ATP1A1: variants seen among roughly 807,000 people sequenced by gnomAD.
ATP1A1 encodes ATPase Na+/K+ transporting subunit alpha 1, also known as sodium/potassium-transporting ATPase subunit alpha-1.
Under a neutral mutation model 114.8 loss-of-function variants are expected in ATP1A1, and 14 were observed. The ratio of observed to expected loss-of-function variants is 0.12; its 90% CI spans 0.08 to 0.19. The LOEUF is 0.19. ATP1A1 is among the 10% of genes least tolerant of loss of function. The probability of loss-of-function intolerance (pLI) is 1.00; values close to 1 mark genes in which losing one functional copy is unlikely to be tolerated. For missense variants in ATP1A1, 524 were observed against 1,290.7 expected (o/e 0.41, Z 9.10); for synonymous variants, 471 against 466.3 (o/e 1.01, Z -0.13).
chr1:116,390,536 G>GTT lies in ATP1A1; in HGVS notation c.1222+138_1222+139dup, dbSNP rs79640523. The GTT allele has an allele frequency of 5.6e-3, 3,875 of 686,578 alleles. 5 individuals carry two copies. Among genetic ancestry groups the GTT allele is most frequent in the African/African-American group, 0.02 (922 of 47,170 alleles). 42.5% of individuals were successfully genotyped at this position (686,578 alleles called of 1,614,324 possible). A position where few individuals can be genotyped will look rare whatever the true frequency, so the allele number is the denominator to read the frequency against. ...CATGGCAGCTTTTTCTTTCTTTTTT[G>GTT]TTTTTTTTTTTTTTATCATTTAGTG... On this transcript the variant is annotated intron_variant, in intron 9 of 22. Transcript: ENST00000295598.
Position 116,401,630 on chromosome 1 carries a change from G to A in ATP1A1, c.2926G>A (p.Val976Ile), listed in dbSNP as rs760128653. The A allele has an allele frequency of 9.9e-6, 16 of 1,614,098 alleles. No individual in the cohort carries two copies. Among genetic ancestry groups the A allele is most frequent in the Admixed American group, 1.7e-5 (1 of 60,012 alleles). ...CCTTTCCTACTGCCCTGGAATGGGT[G>A]TTGCTCTTAGGATGTATCCCCTCAA... ...AFLSYCPGMG[V>I]ALRMYPLKPT... Residue 976 changes from valine (V) to isoleucine (I), a missense_variant, in exon 21 of 23, where the codon GTT becomes ATT. Around this residue, in one of 8 missense-constraint regions of ATP1A1, gnomAD observed 84 missense variants for 209.3 expected, o/e 0.40. Transcript: ENST00000295598. This position sits in a 1 kb window ranked among gnomAD's most constrained non-coding sequence, Gnocchi z 4.7.
At position 116,398,688 on chromosome 1, in the gene ATP1A1, G is replaced by T. The variant is rs1293321023; in HGVS notation, c.2192G>T (p.Gly731Val). ...DSPALKKADI[G>V]VAMGIAGSDV... ...CCAGCTTTGAAGAAAGCAGACATTGGGGTTGCTATGGGGATTGCTGGCTCA... is the reference window on the plus strand; with the variant it reads ...CCAGCTTTGAAGAAAGCAGACATTGTGGTTGCTATGGGGATTGCTGGCTCA... The change falls in exon 16 of 23, where the codon GGG (glycine) becomes GTG (valine). Residue 731 changes from glycine (G) to valine (V), a missense_variant. Transcript: ENST00000295598. This position sits in a 1 kb window ranked among gnomAD's most constrained non-coding sequence, Gnocchi z 6.1. 6.2e-7 allele frequency: 1 copy of T among 1,613,980 alleles called. No homozygotes were observed. Among genetic ancestry groups the T allele is most frequent in the Non-Finnish European group, 8.5e-7 (1 of 1,180,028 alleles).
At position 116,373,249 on chromosome 1, in the gene ATP1A1, TGCGGCGGGGTCTGGGGCGCAGAGCA is replaced by T. The variant is rs913452301; in HGVS notation, c.-254_-230del. The stretch of plus-strand genomic sequence containing the variant: ...GTGAGGAGGAGGCGCGGGCTGGAGC[TGCGGCGGGGTCTGGGGCGCAGAGCA>T]GCGGCGGGAGGAGGCGGACACGTGG... On this transcript the variant is annotated 5_prime_UTR_variant, in exon 1 of 23. Transcript: ENST00000295598. 7.0e-5 allele frequency: 25 copies of T among 358,682 alleles called. No individual in the cohort carries two copies. The highest frequency in any genetic ancestry group is 5.2e-4 in the South Asian group (5 of 9,570). 22.2% of individuals were successfully genotyped at this position (358,682 alleles called of 1,614,324 possible).
In ATP1A1 at chr1:116,401,194, T is replaced by C; in HGVS notation, c.2783T>C (p.Val928Ala). The C allele has an allele frequency of 6.2e-7, 1 of 1,614,224 alleles. No individual in the cohort carries two copies. The highest frequency in any genetic ancestry group is 8.5e-7 in the Non-Finnish European group (1 of 1,180,042). ...ACAGCCTTCTTCGTCAGTATCGTGG[T>C]GGTGCAGTGGGCCGACTTGGTCATC... ...CHTAFFVSIV[V>A]VQWADLVICK... The change falls in exon 20 of 23, where the codon GTG becomes GCG. Residue 928 changes from valine to alanine, a missense_variant. Val to Ala is a moderately conservative substitution (Grantham distance 64, BLOSUM62 0). Transcript: ENST00000295598. The surrounding 1 kb of genome is among the most constrained non-coding windows in gnomAD (Gnocchi z 4.7).
rs561800107 is a variant in ATP1A1, at chr1:116,390,087, A to C, written c.1024-126A>C. The C allele has an allele frequency of 5.2e-5, 53 of 1,027,418 alleles. No individual in the cohort carries two copies. In the African/African-American group the frequency reaches 7.4e-4, roughly 14 times the overall value. The allele number at this position is 1,027,418 out of a possible 1,614,324, so 63.6% of individuals were successfully genotyped here. A position where few individuals can be genotyped will look rare whatever the true frequency, so the allele number is the denominator to read the frequency against. ...TATGGGTTCCCCTTATTATTTCTTC[A>C]AACTTCAGAAGAAGGTTGGAGAGAT... On this transcript the variant is annotated intron_variant, in intron 8 of 22. Transcript: ENST00000295598.
In ATP1A1 at chr1:116,399,992, G is replaced by C. The variant is rs1570977995; in HGVS notation, c.2572+449G>C. On this transcript the variant is annotated intron_variant, in intron 18 of 22. Coordinates refer to ENST00000295598, the MANE Select transcript of ATP1A1 (RefSeq NM_000701.8). This position sits in a 1 kb window ranked among gnomAD's most constrained non-coding sequence, Gnocchi z 5.0. ...TTGGCTGGTAGGTCACCACCAAAGG[G>C]TGATCCTCCATCCACCTCACACTGG... 6.6e-6 allele frequency among the ~76,000 whole-genome samples: 1 copy of C among 152,218 alleles called. No homozygotes were observed. Among genetic ancestry groups the C allele is most frequent in the East Asian group, 1.9e-4 (1 of 5,196 alleles).
At chr1:116,386,372 G>A (rs976602608) in intron 3 of ATP1A1, among the ~76,000 whole-genome samples, 6 of 151,982 alleles carry the variant, frequency 3.9e-5, no homozygotes, top group South Asian at 4.2e-4. Flanking sequence ...CAAATGCTGC[G>A]GGTCTATTTC....
chr1:116,383,426 A>G (rs1651875473), intron 1 of ATP1A1: 2 of 864,452 alleles, frequency 2.3e-6, no homozygotes, highest in African/African-American at 1.8e-5. Flanking sequence ...AAGTACTAGC[A>G]TTTAGATGTA....
At chr1:116,394,859 A>G (rs1262873454) in intron 12 of ATP1A1, among the ~76,000 whole-genome samples, 3 of 152,204 alleles carry the variant, frequency 2.0e-5, no homozygotes, top group Non-Finnish European at 2.9e-5. Context: ...AGTCTTCTCC[A>G]CATTAAACAA....
At chr1:116,383,462 TGAAATGAGGTTG>T in intron 1 of ATP1A1, 1 of 704,062 alleles carries the variant, frequency 1.4e-6, no homozygotes, top group Non-Finnish European at 1.7e-6. Flanking sequence ...CTTAAAAACA[TGAAATGAGGTTG>T]GCACTATTCT....
rs1652323892 is a variant in ATP1A1, at chr1:116,389,822, T to C, written c.1023+115T>C. The C allele has an allele frequency of 1.5e-5, 22 of 1,421,120 alleles. No individual in the cohort carries two copies. Among genetic ancestry groups the C allele is most frequent in the Non-Finnish European group, 1.9e-5 (20 of 1,060,722 alleles). The allele number at this position is 1,421,120 out of a possible 1,614,324, so 88.0% of individuals were successfully genotyped here. On this transcript the variant is annotated intron_variant, in intron 8 of 22. Transcript: ENST00000295598. This position sits in a 1 kb window ranked among gnomAD's most constrained non-coding sequence, Gnocchi z 6.9. ...TATGTTTTATTCTGGATGTTTGATATAGTTCTTCTTGAGAGCCACATCACG... is the reference window on the plus strand; with the variant it reads ...TATGTTTTATTCTGGATGTTTGATACAGTTCTTCTTGAGAGCCACATCACG...
At chr1:116,374,356 G>C in intron 1 of ATP1A1, 1 of 1,482,104 alleles carries the variant, frequency 6.7e-7, no homozygotes, top group Non-Finnish European at 9.2e-7. Flanking sequence ...TTGAAGGGAC[G>C]AGCCCTGAAG....
chr1:116,394,205 T>G (rs998126158), intron 12 of ATP1A1, among the ~76,000 whole-genome samples: 1 of 152,168 alleles, frequency 6.6e-6, no homozygotes, highest in East Asian at 1.9e-4. Flanking sequence ...CGGTAAACTT[T>G]TAGTCTAAGA....
In ATP1A1 at chr1:116,389,906, A is replaced by C. The variant is rs1470909551; in HGVS notation, c.1023+199A>C. ...TTGTTTATACGTAAGATAACCCCAAAGCATACATTTTGCTTTTAAATTATC... is the reference window on the plus strand; with the variant it reads ...TTGTTTATACGTAAGATAACCCCAACGCATACATTTTGCTTTTAAATTATC... On this transcript the variant is annotated intron_variant, in intron 8 of 22. Coordinates refer to ENST00000295598, the MANE Select transcript of ATP1A1 (RefSeq NM_000701.8). This position sits in a 1 kb window ranked among gnomAD's most constrained non-coding sequence, Gnocchi z 6.9. The C allele has an allele frequency of 1.2e-5, 10 of 864,460 alleles. No individual in the cohort carries two copies. Among genetic ancestry groups the C allele is most frequent in the Non-Finnish European group, 1.7e-5 (10 of 577,852 alleles). 53.5% of individuals were successfully genotyped at this position (864,460 alleles called of 1,614,324 possible).
chr1:116,388,517 T>C lies in ATP1A1; in HGVS notation c.502-121T>C. On this transcript the variant is annotated intron_variant, in intron 5 of 22. Coordinates refer to ENST00000295598, the MANE Select transcript of ATP1A1 (RefSeq NM_000701.8). The surrounding 1 kb of genome is among the most constrained non-coding windows in gnomAD (Gnocchi z 5.6). Reference sequence around the variant, plus strand: ...TTTGTAACTTGTGTAAATAAAAAAGTGAATAATATCTTTGTTTTGTATTCA... The same window carrying C: ...TTTGTAACTTGTGTAAATAAAAAAGCGAATAATATCTTTGTTTTGTATTCA... 7.3e-7 allele frequency: 1 copy of C among 1,367,360 alleles called. No individual in the cohort carries two copies. The highest frequency in any genetic ancestry group is 2.4e-5 in the Admixed American group (1 of 42,030). 84.7% of individuals were successfully genotyped at this position (1,367,360 alleles called of 1,614,324 possible).
In ATP1A1 at chr1:116,390,459, G is replaced by A. The variant is rs780048006; in HGVS notation, c.1222+48G>A. The A allele has an allele frequency of 2.0e-6, 3 of 1,506,828 alleles. No individual in the cohort carries two copies. In the Admixed American group the frequency reaches 6.4e-5, roughly 32 times the overall value. 93.3% of individuals were successfully genotyped at this position (1,506,828 alleles called of 1,614,324 possible). On this transcript the variant is annotated intron_variant, in intron 9 of 22. Transcript: ENST00000295598. ...CCTCAGCCACCTGCTGACTTCGCTTGGTTTTTTTTCTTTTAAGAAATTGCA... is the reference window on the plus strand; with the variant it reads ...CCTCAGCCACCTGCTGACTTCGCTTAGTTTTTTTTCTTTTAAGAAATTGCA...
intron 18 of ATP1A1, 45 bp from the exon 19 acceptor site, chr1:116,400,816 C>G (rs760503262): frequency 1.2e-6 from 2 of 1,603,698 alleles, no homozygotes; most frequent in Non-Finnish European, 8.5e-7. Flanking sequence ...ATACAGGTAC[C>G]CTTGTGTGTG....
Position 116,399,252 on chromosome 1 carries a change from C to T in ATP1A1, c.2448+168C>T. 7.5e-7 allele frequency: 1 copy of T among 1,329,056 alleles called. No homozygotes were observed. Among genetic ancestry groups the T allele is most frequent in the Non-Finnish European group, 1.0e-6 (1 of 965,746 alleles). The allele number at this position is 1,329,056 out of a possible 1,614,324, so 82.3% of individuals were successfully genotyped here. ...CGGCTTCACAGAATCAGTATTACCACTCTTCAAGGCAGCAGTTAACATTTG... is the reference window on the plus strand; with the variant it reads ...CGGCTTCACAGAATCAGTATTACCATTCTTCAAGGCAGCAGTTAACATTTG... On this transcript the variant is annotated intron_variant, in intron 17 of 22. Transcript: ENST00000295598. This position sits in a 1 kb window ranked among gnomAD's most constrained non-coding sequence, Gnocchi z 5.0.
rs911609145 is a variant in ATP1A1, at chr1:116,389,381, G to A, written c.755-58G>A. On this transcript the variant is annotated intron_variant, in intron 7 of 22. Coordinates refer to ENST00000295598, the MANE Select transcript of ATP1A1 (RefSeq NM_000701.8). This position sits in a 1 kb window ranked among gnomAD's most constrained non-coding sequence, Gnocchi z 6.9. The stretch of plus-strand genomic sequence containing the variant: ...CATCCTATGTAATTGTGTAAAATCC[G>A]TGGCTTCCTTCAGGTTAGATACAAT... The A allele has an allele frequency of 2.8e-5, 44 of 1,591,380 alleles. 1 individual carries two copies. The highest frequency in any genetic ancestry group is 1.0e-4 in the Admixed American group (6 of 58,316).
Sources: gnomAD v4.1 joint callset for allele counts (sites outside exome capture counted in the v4.1 genomes callset) on GRCh38, gnomAD v4.1.1 for gene constraint, gnomAD v4.1.1 regional missense constraint, Gnocchi (gnomAD v3.1) non-coding constraint, MANE v1.5 for transcripts, NCBI Gene and HGNC (gene_info 2026-07-23, HGNC 2026-07-21) for gene names.